NRXN3: variants seen among roughly 807,000 people sequenced by gnomAD.
NRXN3 encodes neurexin III.
NRXN3 carries 32 observed loss-of-function variants against 137.6 expected under a neutral mutation model. The ratio of observed to expected loss-of-function variants is 0.23; its 90% confidence interval spans 0.18 to 0.31. The LOEUF is 0.31. Ranked by LOEUF, NRXN3 falls within the 10% of genes least tolerant of loss-of-function variation. The pLI is 1.00. For missense variants in NRXN3, 1,574 were observed against 2,062.5 expected (o/e 0.76, Z 4.59); for synonymous variants, 798 against 784.5 (o/e 1.02, Z -0.29).
At chr14:79,159,127 T>C (rs1419471890) in intron 15 of NRXN3, among the ~76,000 whole-genome samples, 3 of 151,712 alleles carry the variant, frequency 2.0e-5, no homozygotes, top group Non-Finnish European at 2.9e-5. Flanking sequence ...ATAAAGTCAA[T>C]GAGCAAAATG....
intron 20 of NRXN3, among the ~76,000 whole-genome samples, chr14:79,842,251 T>G (rs2099357450): frequency 6.6e-6 from 1 of 152,188 alleles, no homozygotes; most frequent in Non-Finnish European, 1.5e-5. Context: ...AGTCAGCTAA[T>G]AAATACTGTG....
chr14:79,811,852 G>T (rs1034530823), intron 20 of NRXN3, among the ~76,000 whole-genome samples: 1 of 151,870 alleles, frequency 6.6e-6, no homozygotes, highest in East Asian at 1.9e-4. Flanking sequence ...ACAGTGCTGG[G>T]ATTACAGCCG....
chr14:78,862,581 G>A (rs368607885), intron 10 of NRXN3, among the ~76,000 whole-genome samples: 10 of 151,998 alleles, frequency 6.6e-5, no homozygotes, highest in Non-Finnish European at 1.5e-4. Context: ...TTTATATAAT[G>A]TATAATTATA....
intron 10 of NRXN3, among the ~76,000 whole-genome samples, chr14:78,852,721 T>C (rs1567514941): frequency 6.6e-6 from 1 of 152,180 alleles, no homozygotes; most frequent in Non-Finnish European, 1.5e-5. Context: ...TATTAAGTTA[T>C]TATAACTTAA....
At chr14:78,770,598 G>A (rs1396852698) in intron 8 of NRXN3, among the ~76,000 whole-genome samples, 3 of 152,146 alleles carry the variant, frequency 2.0e-5, no homozygotes, top group Non-Finnish European at 2.9e-5. Flanking sequence ...GTTTTGGGAA[G>A]CTTTAAATTC....
chr14:79,459,865 A>C (rs1158654369), intron 15 of NRXN3, among the ~76,000 whole-genome samples: 1 of 152,032 alleles, frequency 6.6e-6, no homozygotes, highest in Admixed American at 6.6e-5. Context: ...AGCAAGAGGG[A>C]ATTTGAGTGT....
At chr14:79,707,181 A>G (rs1368791107) in intron 19 of NRXN3, among the ~76,000 whole-genome samples, 2 of 152,232 alleles carry the variant, frequency 1.3e-5, no homozygotes, top group Admixed American at 6.5e-5. Flanking sequence ...ATCATTGGAC[A>G]TTTAGAGCCT....
At chr14:79,071,059 T>C (rs758594917) in intron 15 of NRXN3, among the ~76,000 whole-genome samples, 8 of 152,214 alleles carry the variant, frequency 5.3e-5, no homozygotes, top group Non-Finnish European at 1.0e-4. Context: ...CTAAGGATTC[T>C]TGGTTCTTCC....
At position 79,280,174 on chromosome 14, in the gene NRXN3, C is replaced by T. The variant is rs767450638; in HGVS notation, c.3263-187047C>T. 2.1e-4 allele frequency: 320 copies of T among 1,516,458 alleles called. 1 individual carries two copies. The highest frequency in any genetic ancestry group is 2.6e-4 in the Non-Finnish European group (299 of 1,140,048). The allele number at this position is 1,516,458 out of a possible 1,614,324, so 93.9% of individuals were successfully genotyped here. The stretch of plus-strand genomic sequence containing the variant: ...GGAAAGCGCATATTGCTTCCCTCTT[C>T]CCCGAATTCTGGCAACTCTTCCTCC... On this transcript the variant is annotated intron_variant, in intron 15 of 20. Transcript: ENST00000335750.
chr14:78,852,485 T>C (rs148887047), intron 10 of NRXN3, among the ~76,000 whole-genome samples: 1 of 152,318 alleles, frequency 6.6e-6, no homozygotes, highest in East Asian at 1.9e-4. Flanking sequence ...GTTTTGTTAT[T>C]ATCACCGTGC....
intron 8 of NRXN3, among the ~76,000 whole-genome samples, chr14:78,799,593 C>T (rs2098832479): frequency 1.3e-5 from 2 of 152,184 alleles, no homozygotes; most frequent in African/African-American, 2.4e-5. Flanking sequence ...AGCAGTGCCT[C>T]ACTCCCAGTA....
At chr14:79,090,910 A>G (rs1241057327) in intron 15 of NRXN3, among the ~76,000 whole-genome samples, 1 of 152,128 alleles carries the variant, frequency 6.6e-6, no homozygotes, top group Non-Finnish European at 1.5e-5. Context: ...TAAAGCCCCA[A>G]ATTTGGAGAT....
At chr14:78,288,010 T>C (rs1196424814) in intron 3 of NRXN3, among the ~76,000 whole-genome samples, 2 of 151,762 alleles carry the variant, frequency 1.3e-5, no homozygotes, top group African/African-American at 2.4e-5. Context: ...GATGGAGTCT[T>C]GCTCTGTTGC....
intron 15 of NRXN3, among the ~76,000 whole-genome samples, chr14:79,025,753 C>G (rs376340272): frequency 1.3e-5 from 2 of 152,150 alleles, no homozygotes; most frequent in African/African-American, 4.8e-5. Context: ...TCAGCTGAAA[C>G]TAACAGAAAA....
Position 79,033,666 on chromosome 14 carries a change from G to A in NRXN3, c.3262+45525G>A, listed in dbSNP as rs555728676. Among the ~76,000 whole-genome samples the A allele has an allele frequency of 3.6e-4, 55 of 152,162 alleles. 2 individuals are homozygous for A. In the South Asian group the frequency reaches 7.9e-3, roughly 22 times the overall value. On this transcript the variant is annotated intron_variant, in intron 15 of 20. Coordinates refer to ENST00000335750, the MANE Select transcript of NRXN3 (RefSeq NM_001330195.2). ...AACCGTTCAGATTATGAAACCTGTCGTTAGTAATATATTGGAAAACTCAAT... is the reference window on the plus strand; with the variant it reads ...AACCGTTCAGATTATGAAACCTGTCATTAGTAATATATTGGAAAACTCAAT...
intron 15 of NRXN3, among the ~76,000 whole-genome samples, chr14:79,229,852 G>A (rs149439524): frequency 3.3e-5 from 5 of 152,152 alleles, no homozygotes; most frequent in East Asian, 3.9e-4. Context: ...CTGAAGGGCC[G>A]CTAGACCTAA....
intron 15 of NRXN3, among the ~76,000 whole-genome samples, chr14:79,351,946 G>A (rs1006904484): frequency 3.9e-5 from 6 of 152,106 alleles, no homozygotes; most frequent in East Asian, 1.9e-4. Context: ...AACAATAGGC[G>A]CTTTAAAAGT....
In NRXN3 at chr14:78,967,404, C is replaced by G; in HGVS notation, c.2968+6C>G. 1 of 1,606,464 alleles carries G rather than the reference C, an allele frequency of 6.2e-7. No individual in the cohort carries two copies. Among genetic ancestry groups the G allele is most frequent in the East Asian group, 2.2e-5 (1 of 44,724 alleles). ...CAAAAATCTGGATTTGAAAGGTAAA[C>G]CTTGTAAAGAAATTTAGTTTTTAAT... On this transcript the variant is annotated splice_donor_region_variant and intron_variant, in intron 13 of 20. Transcript: ENST00000335750.
chr14:79,851,247 C>G (rs1009959891), intron 20 of NRXN3, among the ~76,000 whole-genome samples: 2 of 152,070 alleles, frequency 1.3e-5, no homozygotes, highest in Non-Finnish European at 2.9e-5. Flanking sequence ...TCATTTGATG[C>G]CTTTTGAGAC....
Sources: allele counts gnomAD v4.1 joint callset (sites outside exome capture counted in the v4.1 genomes callset), GRCh38; gene constraint gnomAD v4.1.1; transcripts MANE v1.5; gene names NCBI Gene and HGNC (gene_info 2026-07-23, HGNC 2026-07-21).